MAN2B1: variants seen among roughly 807,000 people sequenced by gnomAD.
The protein encoded by MAN2B1 is lysosomal alpha-mannosidase.
A neutral mutation model predicts 127.5 loss-of-function variants in MAN2B1; 99 were observed. The observed-to-expected ratio is 0.78, with a 90% confidence interval of 0.66 to 0.92. The LOEUF is 0.92. Ranked by LOEUF, MAN2B1 falls within the 40% of genes least tolerant of loss-of-function variation. The pLI, the probability that MAN2B1 is intolerant of heterozygous loss-of-function variation, is 0.00. For missense variants in MAN2B1, 1,304 were observed against 1,384.8 expected, an observed-to-expected ratio of 0.94 and a Z score of 0.93; for synonymous variants, 573 against 568.8, an observed-to-expected ratio of 1.01 and a Z score of -0.11.
At chr19:12,654,468 G>A (rs1371420940) in intron 14 of MAN2B1, among the ~76,000 whole-genome samples, 1 of 152,116 alleles carries the variant, frequency 6.6e-6, no homozygotes, top group Non-Finnish European at 1.5e-5. Flanking sequence ...AACAGCCAGA[G>A]CACACCTGTG....
Position 12,665,464 on chromosome 19 carries a change from C to T in MAN2B1, c.324G>A (p.Leu108=). 6.2e-7 allele frequency: 1 copy of T among 1,614,160 alleles called. No individual in the cohort carries two copies. Among genetic ancestry groups the T allele is most frequent in the Non-Finnish European group, 8.5e-7 (1 of 1,180,042 alleles). The stretch of plus-strand genomic sequence containing the variant: ...TGAAGCGACGGGTGGGATCTGCCAG[C>T]AAGGCAGAGATGACCGAGTCCAGGA... ...QYILDSVISA[L]LADPTRRFIY... is the part of the protein sequence containing the mutation. The change falls in exon 3 of 24, where the codon TTG becomes TTA. Residue 108 remains leucine (L), a synonymous_variant. Coordinates refer to ENST00000456935, the MANE Select transcript of MAN2B1 (RefSeq NM_000528.4).
At chr19:12,656,418 T>G in intron 13 of MAN2B1, 153 bp downstream of exon 13, 1 of 647,918 alleles carries the variant, frequency 1.5e-6, no homozygotes. Flanking sequence ...GGGAGACTGA[T>G]ATTAAGGGGC....
Position 12,646,519 on chromosome 19 carries a change from T to C in MAN2B1, c.*101A>G. On this transcript the variant is annotated 3_prime_UTR_variant, in exon 24 of 24. Transcript: ENST00000456935. ...CTCAGTCACAGAGCGACCTGAGTCT[T>C]AGTAGTAGCGTTTTAATGGCAGCAG... 1.1e-6 allele frequency: 1 copy of C among 890,884 alleles called. No individual in the cohort carries two copies. The highest frequency in any genetic ancestry group is 1.4e-5 in the South Asian group (1 of 73,916). The allele number at this position is 890,884 out of a possible 1,614,324, so 55.2% of individuals were successfully genotyped here.
chr19:12,649,839 G>A, intron 18 of MAN2B1, 74 bp downstream of exon 18: 1 of 1,280,246 alleles, frequency 7.8e-7, no homozygotes, highest in Non-Finnish European at 1.1e-6. Flanking sequence ...CATGTAATCA[G>A]CAAATTTCCC....
In MAN2B1 at chr19:12,661,380, C is replaced by T. The variant is rs1384001200; in HGVS notation, c.910-4G>A. The T allele has an allele frequency of 6.3e-7, 1 of 1,595,350 alleles. No individual in the cohort carries two copies. The highest frequency in any genetic ancestry group is 1.3e-5 in the African/African-American group (1 of 74,568). ...GGTTGGTGCGGTAATACCGGCCCTG[C>T]AGGCAAGAGGGGAGTCCTGAAGCCA... On this transcript the variant is annotated splice_region_variant and splice_polypyrimidine_tract_variant and intron_variant, in intron 6 of 23. Transcript: ENST00000456935.
At position 12,650,133 on chromosome 19, in the gene MAN2B1, T is replaced by C. The variant is rs1255668357; in HGVS notation, c.2136A>G (p.Leu712=). ...RLYPGQRHLE[L]EWSVGPIPVG... is the part of the protein sequence containing the mutation. ...CAGGTATCGGCCCCACCGACCACTCTAGCTCCAGGTGCCGCTGTCCTGGGT... is the reference window on the plus strand; with the variant it reads ...CAGGTATCGGCCCCACCGACCACTCCAGCTCCAGGTGCCGCTGTCCTGGGT... The change falls in exon 17 of 24, where the codon CTA becomes CTG. Residue 712 remains leucine, a synonymous_variant. Coordinates refer to ENST00000456935, the MANE Select transcript of MAN2B1 (RefSeq NM_000528.4). The C allele has an allele frequency of 2.5e-6, 4 of 1,613,994 alleles. No homozygotes were observed. The Admixed American group carries it at 6.7e-5, about 27-fold the overall frequency.
chr19:12,654,659 T>C (rs2023917070), intron 14 of MAN2B1, among the ~76,000 whole-genome samples: 1 of 152,122 alleles, frequency 6.6e-6, no homozygotes, highest in Non-Finnish European at 1.5e-5. Context: ...ACATGAACAG[T>C]CCTACTGCAG....
Position 12,648,517 on chromosome 19 carries a change from C to T in MAN2B1, c.2437-115G>A. The T allele has an allele frequency of 3.8e-6, 3 of 783,276 alleles. No homozygotes were observed. In the East Asian group the frequency reaches 8.1e-5, roughly 21 times the overall value. 48.5% of individuals were successfully genotyped at this position (783,276 alleles called of 1,614,324 possible). On this transcript the variant is annotated intron_variant, in intron 20 of 23. Transcript: ENST00000456935. ...AAAAGAAATTAAAGGGTGGGAGGAA[C>T]GGATGAGGATGAAGGTGAGGGTCTG...
Position 12,650,110 on chromosome 19 carries a change from G to C in MAN2B1, c.2159C>G (p.Pro720Arg), listed in dbSNP as rs771858783. 1.2e-6 allele frequency: 2 copies of C among 1,613,924 alleles called. No homozygotes were observed. Among genetic ancestry groups the C allele is most frequent in the Non-Finnish European group, 1.7e-6 (2 of 1,179,884 alleles). ...LELEWSVGPI[P>R]VGDTWGKEVI... The stretch of plus-strand genomic sequence containing the variant: ...CCCAGCCTGTGCCACTCACCCCACA[G>C]GTATCGGCCCCACCGACCACTCTAG... Residue 720 changes from proline to arginine, a missense_variant, in exon 17 of 24, where the codon CCT (proline) becomes CGT (arginine). Pro to Arg is a moderately radical substitution (Grantham distance 103, BLOSUM62 -2). Coordinates refer to ENST00000456935, the MANE Select transcript of MAN2B1 (RefSeq NM_000528.4).
At chr19:12,648,536 G>T in intron 20 of MAN2B1, 134 bp from the exon 21 acceptor site, 1 of 685,854 alleles carries the variant, frequency 1.5e-6, no homozygotes, top group Non-Finnish European at 2.5e-6. Context: ...ATGAAGGTGA[G>T]GGTCTGGTAG....
At chr19:12,655,635 C>T in intron 14 of MAN2B1, 59 bp downstream of exon 14, 2 of 1,559,660 alleles carry the variant, frequency 1.3e-6, no homozygotes, top group East Asian at 2.3e-5. Flanking sequence ...CCACACAGCT[C>T]ACCATGACAC....
chr19:12,658,885 C>G, intron 7 of MAN2B1: 2 of 341,276 alleles, frequency 5.9e-6, no homozygotes, highest in Non-Finnish European at 1.1e-5. Context: ...GGGACGGAGT[C>G]TTACTTTGTT....
intron 4 of MAN2B1, 48 bp downstream of exon 4, chr19:12,664,744 A>C: frequency 6.4e-7 from 1 of 1,574,304 alleles, no homozygotes; most frequent in East Asian, 2.3e-5. Context: ...GCGAGGGAGG[A>C]GCCAGAGTGA....
chr19:12,658,615 C>T, intron 7 of MAN2B1, 105 bp from the exon 8 acceptor site: 4 of 1,038,984 alleles, frequency 3.8e-6, no homozygotes, highest in Non-Finnish European at 5.9e-6. Flanking sequence ...GGTTCAGTTT[C>T]TCTAAATACA....
chr19:12,649,477 C>CTTGTTTTTTTTTT, intron 18 of MAN2B1, 49 bp from the exon 19 acceptor site: 1 of 421,496 alleles, frequency 2.4e-6, no homozygotes. Context: ...CTCCCCAACT[C>CTTGTTTTTTTTTT]TTTTTTTTTT....
chr19:12,663,524 C>CCTG (rs2024158053), intron 5 of MAN2B1, 62 bp from the exon 6 acceptor site: 1 of 1,601,110 alleles, frequency 6.2e-7, no homozygotes, highest in African/African-American at 1.3e-5. Flanking sequence ...GTTTCAAAGC[C>CCTG]GGCCATGTCC....
intron 20 of MAN2B1, 82 bp downstream of exon 20, chr19:12,649,054 C>G (rs948132304): frequency 6.7e-6 from 8 of 1,192,902 alleles, no homozygotes; most frequent in Non-Finnish European, 9.9e-6. Flanking sequence ...AAGCAGAGAA[C>G]TGGGCCAGAA....
At chr19:12,648,601 G>A (rs1057194615) in intron 20 of MAN2B1, among the ~76,000 whole-genome samples, 199 bp from the exon 21 acceptor site, 1 of 152,224 alleles carries the variant, frequency 6.6e-6, no homozygotes, top group Non-Finnish European at 1.5e-5. Context: ...GCCGGAAGGA[G>A]GTAAATGCCT....
rs2023729735 is a variant in MAN2B1 at position 12,647,793 on chromosome 19, A to C, written c.2665-195T>G. The C allele has an allele frequency of 1.6e-6, 1 of 608,870 alleles. No individual in the cohort carries two copies. Among genetic ancestry groups the C allele is most frequent in the South Asian group, 2.0e-5 (1 of 50,564 alleles). The allele number at this position is 608,870 out of a possible 1,614,324, so 37.7% of individuals were successfully genotyped here. A position where few individuals can be genotyped will look rare whatever the true frequency, so the allele number is the denominator to read the frequency against. On this transcript the variant is annotated intron_variant, in intron 21 of 23. Transcript: ENST00000456935. This position sits in a 1 kb window ranked among gnomAD's most constrained non-coding sequence, Gnocchi z 4.9. ...CCAATGGGGAGATGGGTCGGTCCCAAGCTTAGGGTTCGAGTCCCGATGGAG... is the reference window on the plus strand; with the variant it reads ...CCAATGGGGAGATGGGTCGGTCCCACGCTTAGGGTTCGAGTCCCGATGGAG...
Sources: gnomAD v4.1 joint callset for allele counts (sites outside exome capture counted in the v4.1 genomes callset) on GRCh38, gnomAD v4.1.1 for gene constraint, Gnocchi (gnomAD v3.1) non-coding constraint, MANE v1.5 for transcripts, NCBI Gene and HGNC (gene_info 2026-07-23, HGNC 2026-07-21) for gene names.